The following ST6GALNAC3 variants were observed in gnomAD, a reference collection of about 807,000 sequenced individuals.
ST6GALNAC3 encodes the protein alpha-N-acetylgalactosaminide alpha-2,6-sialyltransferase 3.
A neutral mutation model predicts 32.7 loss-of-function variants in ST6GALNAC3; 25 were observed. That is an observed-to-expected ratio of 0.76 (90% CI 0.56 to 1.07). ST6GALNAC3 has a LOEUF of 1.07. ST6GALNAC3 is among the 50% of genes least tolerant of loss of function. The pLI, the probability that ST6GALNAC3 is intolerant of heterozygous loss-of-function variation, is 0.00. For missense variants in ST6GALNAC3, 355 were observed against 382.4 expected (o/e 0.93, Z 0.60); for synonymous variants, 129 against 133.1 (o/e 0.97, Z 0.21).
chr1:76,409,943 A>G (rs544810944), intron 2 of ST6GALNAC3, among the ~76,000 whole-genome samples: 95 of 152,222 alleles, frequency 6.2e-4, no homozygotes, highest in African/African-American at 2.2e-3. Context: ...CCTTCAGAAT[A>G]TTTCCAGAAC....
At chr1:76,489,651 C>G (rs1375765911) in intron 3 of ST6GALNAC3, among the ~76,000 whole-genome samples, 1 of 152,136 alleles carries the variant, frequency 6.6e-6, no homozygotes, top group African/African-American at 2.4e-5. Flanking sequence ...AAATATTAAG[C>G]CTTCTCCACT....
At chr1:76,589,641 CAG>C (rs1289794669) in intron 3 of ST6GALNAC3, among the ~76,000 whole-genome samples, 1 of 151,808 alleles carries the variant, frequency 6.6e-6, no homozygotes, top group African/African-American at 2.4e-5. Flanking sequence ...ACTGACTCCT[CAG>C]AGCTCTACTC....
chr1:76,144,695 G>A (rs558308961), intron 1 of ST6GALNAC3, among the ~76,000 whole-genome samples: 9 of 152,298 alleles, frequency 5.9e-5, no homozygotes, highest in Admixed American at 2.6e-4. Flanking sequence ...TTCCCCTAAT[G>A]ATTCTGTGAA....
intron 3 of ST6GALNAC3, among the ~76,000 whole-genome samples, chr1:76,449,364 T>C (rs1258695656): frequency 1.3e-5 from 2 of 152,258 alleles, no homozygotes; most frequent in Non-Finnish European, 2.9e-5. Context: ...TTGGCAATTA[T>C]GAATGCAGCT....
intron 3 of ST6GALNAC3, among the ~76,000 whole-genome samples, chr1:76,421,166 A>G (rs1655005728): frequency 2.0e-5 from 3 of 152,212 alleles, no homozygotes; most frequent in South Asian, 4.1e-4. Context: ...CATTGTTGAA[A>G]TACCAGTGAA....
intron 3 of ST6GALNAC3, among the ~76,000 whole-genome samples, chr1:76,572,463 A>G (rs535203246): frequency 7.2e-5 from 11 of 152,116 alleles, no homozygotes; most frequent in Non-Finnish European, 1.6e-4. Flanking sequence ...ACCTCTTGGT[A>G]GCTTCCCCAA....
At position 76,190,422 on chromosome 1, in the gene ST6GALNAC3, T is replaced by C. The variant is rs1428468002; in HGVS notation, c.18+115538T>C. The stretch of plus-strand genomic sequence containing the variant: ...AGCATACGCCCAGATGCTGGAAGGA[T>C]TTGGTTTACATTATATTGAAAAATA... On this transcript the variant is annotated intron_variant, in intron 1 of 4. Coordinates refer to ENST00000328299, the MANE Select transcript of ST6GALNAC3 (RefSeq NM_152996.4). Among the ~76,000 whole-genome samples, 3 of 152,194 alleles carry C rather than the reference T, an allele frequency of 2.0e-5. No individual in the cohort carries two copies. In the East Asian group the frequency reaches 5.8e-4, roughly 29 times the overall value.
chr1:76,617,056 C>G (rs752309313), intron 3 of ST6GALNAC3, among the ~76,000 whole-genome samples: 5 of 152,166 alleles, frequency 3.3e-5, no homozygotes, highest in Non-Finnish European at 7.3e-5. Context: ...TATCCTCCTT[C>G]CCTGGGGTGA....
At chr1:76,498,548 C>T (rs934154205) in intron 3 of ST6GALNAC3, among the ~76,000 whole-genome samples, 17 of 152,076 alleles carry the variant, frequency 1.1e-4, no homozygotes, top group African/African-American at 3.9e-4. Flanking sequence ...TTTAGTTGAT[C>T]CTGCAAAGCT....
chr1:76,535,834 G>A (rs927430792), intron 3 of ST6GALNAC3, among the ~76,000 whole-genome samples: 7 of 151,822 alleles, frequency 4.6e-5, no homozygotes, highest in Non-Finnish European at 1.0e-4. Context: ...TCTCTAGGTC[G>A]AGAGGTAAAG....
intron 2 of ST6GALNAC3, among the ~76,000 whole-genome samples, chr1:76,331,032 T>C (rs1391971125): frequency 6.6e-6 from 1 of 152,082 alleles, no homozygotes. Context: ...CAGAAGAGCA[T>C]AGAGGAAGGT....
At chr1:76,587,237 G>T (rs994572750) in intron 3 of ST6GALNAC3, among the ~76,000 whole-genome samples, 1 of 152,180 alleles carries the variant, frequency 6.6e-6, no homozygotes, top group African/African-American at 2.4e-5. Context: ...ACATGACACC[G>T]ACTCACTTTG....
At chr1:76,402,535 C>T (rs897012539) in intron 2 of ST6GALNAC3, among the ~76,000 whole-genome samples, 10 of 152,140 alleles carry the variant, frequency 6.6e-5, no homozygotes, top group African/African-American at 2.4e-4. Flanking sequence ...TTCATTCTTG[C>T]CTCTGTGTTC....
At chr1:76,636,703 C>G (rs143757073), downstream of ST6GALNAC3, among the ~76,000 whole-genome samples, 78 of 152,224 alleles carry the variant, frequency 5.1e-4, 1 homozygote, top group East Asian at 0.012. Context: ...TCCCTTAACA[C>G]TAATAGAATT....
intron 3 of ST6GALNAC3, among the ~76,000 whole-genome samples, chr1:76,527,288 G>A (rs1662971683): frequency 6.6e-6 from 1 of 152,078 alleles, no homozygotes; most frequent in Non-Finnish European, 1.5e-5. Context: ...TGATGAATCT[G>A]ATGGGTTCTG....
chr1:76,295,815 G>T (rs996617760), intron 1 of ST6GALNAC3, among the ~76,000 whole-genome samples: 8 of 152,000 alleles, frequency 5.3e-5, no homozygotes, highest in African/African-American at 1.7e-4. Context: ...TTTTAACAAG[G>T]TTAGTACAGA....
chr1:76,142,850 T>A (rs1414878229), intron 1 of ST6GALNAC3: 2 of 454,228 alleles, frequency 4.4e-6, no homozygotes, highest in Non-Finnish European at 8.8e-6. Flanking sequence ...AAATTTTTCA[T>A]CTGCTTCTGG....
At chr1:76,309,271 G>T (rs967112528) in intron 1 of ST6GALNAC3, among the ~76,000 whole-genome samples, 8 of 151,688 alleles carry the variant, frequency 5.3e-5, no homozygotes, top group African/African-American at 1.9e-4. Flanking sequence ...TTTTATTTCG[G>T]TTTTTTCAGC....
At chr1:76,415,439 T>C (rs1325941546) in intron 3 of ST6GALNAC3, among the ~76,000 whole-genome samples, 1 of 151,952 alleles carries the variant, frequency 6.6e-6, no homozygotes, top group African/African-American at 2.4e-5. Context: ...ATTTACCAGT[T>C]TTAATGTATT....
Sources: gnomAD v4.1 joint callset for allele counts (sites outside exome capture counted in the v4.1 genomes callset) on GRCh38, gnomAD v4.1.1 for gene constraint, MANE v1.5 for transcripts, NCBI Gene and HGNC (gene_info 2026-07-23, HGNC 2026-07-21) for gene names.